The following CES5A variants were observed in gnomAD, a reference collection of about 807,000 sequenced individuals.
CES5A encodes the protein carboxylesterase 5.
In CES5A, 67 loss-of-function variants were observed where a neutral mutation model predicts 62.9. The observed-to-expected ratio is 1.07, with a 90% CI of 0.88 to 1.31. The LOEUF is 1.31. Among genes scored for constraint, CES5A ranks in the 50% most tolerant of loss-of-function variants. The pLI, the probability that CES5A is intolerant of heterozygous loss-of-function variation, is 0.00. For missense variants in CES5A, 748 were observed against 708.5 expected (o/e 1.06, Z -0.63); for synonymous variants, 296 against 280.8 (o/e 1.05, Z -0.54).
At chr16:55,943,218 C>T (rs2034462647) in intron 2 of CES5A, among the ~76,000 whole-genome samples, 1 of 152,156 alleles carries the variant, frequency 6.6e-6, no homozygotes, top group East Asian at 1.9e-4. Context: ...TTATTTTCTA[C>T]AAACCATTTT....
exon 2 of CES5A, chr16:55,949,828 A>G: frequency 1.3e-6 from 2 of 1,522,834 alleles, no homozygotes; most frequent in Non-Finnish European, 1.8e-6. Flanking sequence ...TCCTCAATAC[A>G]TACAAAGTTG....
chr16:55,879,148 C>T (rs2033734627), upstream of CES5A, among the ~76,000 whole-genome samples: 1 of 141,756 alleles, frequency 7.1e-6, no homozygotes, highest in South Asian at 2.4e-4. Context: ...ACCTCCACTG[C>T]TACCCCATCA....
chr16:55,858,637 A>G (rs2033291517), intron 8 of CES5A, among the ~76,000 whole-genome samples: 1 of 152,344 alleles, frequency 6.6e-6, no homozygotes, highest in African/African-American at 2.4e-5. Flanking sequence ...GACTGGTTCT[A>G]GACAGCCAAC....
At chr16:55,917,806 G>C (rs529014626) in intron 1 of CES5A, among the ~76,000 whole-genome samples, 10 of 152,246 alleles carry the variant, frequency 6.6e-5, no homozygotes, top group South Asian at 4.1e-4. Flanking sequence ...GGGTCACTGA[G>C]GCCATCTTAA....
intron 1 of CES5A, among the ~76,000 whole-genome samples, chr16:55,916,707 C>T (rs1027069265): frequency 3.9e-5 from 6 of 152,180 alleles, no homozygotes; most frequent in African/African-American, 1.4e-4. Flanking sequence ...AAGAACCACA[C>T]AGGAAAGTAA....
intron 1 of CES5A, among the ~76,000 whole-genome samples, chr16:55,920,672 A>G (rs2034195403): frequency 6.6e-6 from 1 of 152,262 alleles, no homozygotes; most frequent in African/African-American, 2.4e-5. Flanking sequence ...CCAGCCAGGG[A>G]AGACAGAAAC....
chr16:55,953,757 A>C (rs2034581524), intron 1 of CES5A, among the ~76,000 whole-genome samples: 1 of 152,108 alleles, frequency 6.6e-6, no homozygotes, highest in East Asian at 1.9e-4. Context: ...CTTAATTATT[A>C]TGGGACATAG....
chr16:55,882,811 A>G (rs1230698542), intron 1 of CES5A, among the ~76,000 whole-genome samples: 1 of 152,132 alleles, frequency 6.6e-6, no homozygotes. Flanking sequence ...TGAGTTTCCA[A>G]AGGGCTTATC....
intron 1 of CES5A, among the ~76,000 whole-genome samples, chr16:55,955,635 T>C (rs1013903581): frequency 3.3e-5 from 5 of 152,234 alleles, no homozygotes; most frequent in South Asian, 2.1e-4. Context: ...GAGCTCAGCA[T>C]GGAGCCTGCT....
At chr16:55,933,591 G>A (rs2034336277) in intron 2 of CES5A, among the ~76,000 whole-genome samples, 1 of 152,074 alleles carries the variant, frequency 6.6e-6, no homozygotes, top group Admixed American at 6.5e-5. Flanking sequence ...AGTCTTACCT[G>A]AATTGTATAC....
intron 7 of CES5A, among the ~76,000 whole-genome samples, 182 bp downstream of exon 7, chr16:55,861,230 A>G (rs1353090068): frequency 1.3e-5 from 2 of 152,104 alleles, no homozygotes; most frequent in East Asian, 1.9e-4. Context: ...TGCCCCAACA[A>G]TTTTCTTAAA....
intron 1 of CES5A, among the ~76,000 whole-genome samples, chr16:55,906,556 TAA>T (rs2034041618): frequency 6.6e-6 from 1 of 152,178 alleles, no homozygotes; most frequent in South Asian, 2.1e-4. Context: ...AATGTTTATT[TAA>T]AAGAGTGCAA....
In CES5A at chr16:55,943,980, C is replaced by G. The variant is rs2034469562; in HGVS notation, c.160+5805G>C. The stretch of plus-strand genomic sequence containing the variant: ...ACCTCCCATATGAGCATTATCAGCC[C>G]AGGTATCCCACCTGAGGATTCTCTT... On this transcript the variant is annotated intron_variant, in intron 2 of 13. Transcript: ENST00000521992. The G allele has an allele frequency of 4.3e-6, 3 of 700,648 alleles. No individual in the cohort carries two copies. The African/African-American group carries it at 5.2e-5, about 12-fold the overall frequency. 43.4% of individuals were successfully genotyped at this position (700,648 alleles called of 1,614,324 possible).
chr16:55,901,056 G>A (rs1446953684), intron 1 of CES5A, among the ~76,000 whole-genome samples: 1 of 152,154 alleles, frequency 6.6e-6, no homozygotes, highest in Non-Finnish European at 1.5e-5. Context: ...ATCTTGAATT[G>A]TAGCCTCCCA....
upstream of CES5A, among the ~76,000 whole-genome samples, chr16:55,878,210 CCCCTGCTGAT>C (rs1221244453): frequency 6.6e-6 from 1 of 152,084 alleles, no homozygotes; most frequent in Non-Finnish European, 1.5e-5. Context: ...GGTTAATCTA[CCCCTGCTGAT>C]AGGTGGTAAA....
At chr16:55,884,861 G>A (rs964217697) in intron 1 of CES5A, among the ~76,000 whole-genome samples, 17 of 152,096 alleles carry the variant, frequency 1.1e-4, no homozygotes, top group Non-Finnish European at 1.8e-4. Flanking sequence ...CAAAGTGCTG[G>A]GATTACAGGA....
chr16:55,889,065 C>T (rs1453339252), intron 1 of CES5A, among the ~76,000 whole-genome samples: 1 of 151,738 alleles, frequency 6.6e-6, no homozygotes, highest in African/African-American at 2.4e-5. Context: ...GACCTAAACC[C>T]AGGAAAATAT....
chr16:55,955,829 G>A (rs117047992), intron 1 of CES5A: 1 of 1,535,760 alleles, frequency 6.5e-7, no homozygotes, highest in East Asian at 2.4e-5. Context: ...GTAGCACCCT[G>A]TGGCTAATAC....
chr16:55,943,813 T>A (rs2034467937), intron 2 of CES5A, among the ~76,000 whole-genome samples: 1 of 152,060 alleles, frequency 6.6e-6, no homozygotes, highest in African/African-American at 2.4e-5. Context: ...TTAACCACAG[T>A]GTGATGTCAG....
Sources: gnomAD v4.1 joint callset for allele counts (sites outside exome capture counted in the v4.1 genomes callset) on GRCh38, gnomAD v4.1.1 for gene constraint, MANE v1.5 for transcripts, NCBI Gene and HGNC (gene_info 2026-07-23, HGNC 2026-07-21) for gene names.